Variants in GJA5 observed in about 807,000 individuals in gnomAD.
GJA5 encodes gap junction alpha-5 protein.
Under a neutral mutation model 7.9 loss-of-function variants are expected in GJA5, and 3 were observed. The observed-to-expected ratio is 0.38, with a 90% confidence interval of 0.17 to 0.99. GJA5 has a LOEUF of 0.99. Among genes scored for constraint, GJA5 ranks in the 50% least tolerant of loss-of-function variants. The probability of loss-of-function intolerance (pLI) is 0.38; values close to 1 mark genes in which losing one functional copy is unlikely to be tolerated. For synonymous variants in GJA5, 193 were observed against 181.0 expected (o/e 1.07, Z -0.53); for missense variants, 390 against 457.9 (o/e 0.85, Z 1.35).
chr1:147,760,309 A>G (rs1447332978), intron 1 of GJA5, among the ~76,000 whole-genome samples, 190 bp downstream of exon 1: 2 of 152,018 alleles, frequency 1.3e-5, no homozygotes, highest in African/African-American at 4.8e-5. Context: ...GCCTGTCCAC[A>G]TGAGTTCCTT....
At chr1:147,767,371 G>A (rs2148963841) in intron 1 of GJA5, among the ~76,000 whole-genome samples, 1 of 151,778 alleles carries the variant, frequency 6.6e-6, no homozygotes, top group South Asian at 2.1e-4. Flanking sequence ...ACAACAGCCT[G>A]AGGAAGTGGG....
chr1:147,757,922 G>A lies in GJA5; in HGVS notation c.*240C>T. On this transcript the variant is annotated 3_prime_UTR_variant, in exon 2 of 2. Transcript: ENST00000579774. Reference sequence around the variant, plus strand: ...CCCTGTTTCATGAGTAATCTGAAAGGCTTCGTATACTGGGTAGAGGGTGGG... The same window carrying A: ...CCCTGTTTCATGAGTAATCTGAAAGACTTCGTATACTGGGTAGAGGGTGGG... The A allele has an allele frequency of 1.8e-6, 1 of 558,184 alleles. No homozygotes were observed. The highest frequency in any genetic ancestry group is 3.2e-6 in the Non-Finnish European group (1 of 311,894). 34.6% of individuals were successfully genotyped at this position (558,184 alleles called of 1,614,324 possible).
Position 147,758,848 on chromosome 1 carries a change from C to T in GJA5, c.391G>A (p.Ala131Thr). The T allele has an allele frequency of 6.2e-7, 1 of 1,614,218 alleles. No individual in the cohort carries two copies. ...CCTTCCTCCCAGCAGGACAGTTCTG[C>T]CTTCTCTGCCACCGGGTACTCGTAA... ...GSYEYPVAEK[A>T]ELSCWEEGNG... Residue 131 changes from alanine (A) to threonine (T), a missense_variant, in exon 2 of 2, where the codon GCA becomes ACA. Around this residue, in one of 2 missense-constraint regions of GJA5, gnomAD observed 354 missense variants for 370.9 expected, o/e 0.95. Transcript: ENST00000579774.
chr1:147,765,001 A>G (rs888110340), upstream of GJA5, among the ~76,000 whole-genome samples: 1 of 151,968 alleles, frequency 6.6e-6, no homozygotes, highest in East Asian at 1.9e-4. Flanking sequence ...TTTCTTAATG[A>G]TTGAAGAAAA....
intron 1 of GJA5, among the ~76,000 whole-genome samples, chr1:147,771,322 A>C (rs1664393431): frequency 6.6e-6 from 1 of 152,110 alleles, no homozygotes; most frequent in South Asian, 2.1e-4. Context: ...GGAGAGATGG[A>C]GGCTAGGAAA....
Position 147,759,202 on chromosome 1 carries a change from C to T in GJA5, c.37G>A (p.Glu13Lys), listed in dbSNP as rs2148959514. 6.2e-7 allele frequency: 1 copy of T among 1,614,040 alleles called. No homozygotes were observed. Among genetic ancestry groups the T allele is most frequent in the East Asian group, 2.2e-5 (1 of 44,864 alleles). ...DWSFLGNFLE[E>K]VHKHSTVVGK... ...ACCACGGTCGAGTGCTTGTGTACTT[C>T]CTCCAGGAAATTTCCCAGGAAGCTC... Residue 13 changes from glutamate (E) to lysine (K), a missense_variant, in exon 2 of 2, where the codon GAA (glutamate) becomes AAA (lysine). Glu to Lys is a moderately conservative substitution (Grantham distance 56, BLOSUM62 1). Transcript: ENST00000579774.
intron 1 of GJA5, among the ~76,000 whole-genome samples, chr1:147,772,787 G>GGGA (rs1664459265): frequency 1.4e-4 from 1 of 7,236 alleles, no homozygotes; most frequent in Admixed American, 1.2e-3. Flanking sequence ...ATGCCTTAGG[G>GGGA]AGAAAAAAAA....
upstream of GJA5, among the ~76,000 whole-genome samples, chr1:147,763,969 C>T (rs1217151778): frequency 6.6e-6 from 1 of 152,074 alleles, no homozygotes. Flanking sequence ...TGCCACCACA[C>T]CTGGTTAGTT....
upstream of GJA5, among the ~76,000 whole-genome samples, chr1:147,762,813 G>A (rs1368446037): frequency 6.6e-6 from 1 of 152,192 alleles, no homozygotes; most frequent in Non-Finnish European, 1.5e-5. Context: ...AAAGAAATTT[G>A]TAGATTAGAT....
chr1:147,771,367 G>A (rs984212073), intron 1 of GJA5, among the ~76,000 whole-genome samples: 9 of 152,104 alleles, frequency 5.9e-5, no homozygotes, highest in Non-Finnish European at 1.2e-4. Context: ...AAGAGCCCTC[G>A]GTATGAGTGA....
At chr1:147,763,936 G>C (rs1206239332), upstream of GJA5, among the ~76,000 whole-genome samples, 1 of 152,066 alleles carries the variant, frequency 6.6e-6, no homozygotes, top group Admixed American at 6.5e-5. Flanking sequence ...TTAGCCTCTG[G>C]AGTAGCTGGG....
chr1:147,771,800 G>A (rs1420371163), intron 1 of GJA5, among the ~76,000 whole-genome samples: 8 of 152,202 alleles, frequency 5.3e-5, no homozygotes, highest in Admixed American at 2.6e-4. Context: ...CAGGTGCTGA[G>A]TGAGGAAAAG....
Position 147,756,959 on chromosome 1 carries a change from C to A in GJA5, c.*1203G>T, listed in dbSNP as rs1178869868. ...GGCCCTGCCAAGAGAGCTGGAGATT[C>A]CCCTACTATTTCCTTGCCCCTGCTA... On this transcript the variant is annotated 3_prime_UTR_variant, in exon 2 of 2. Coordinates refer to ENST00000579774, the MANE Select transcript of GJA5 (RefSeq NM_181703.4). 6.6e-6 allele frequency: 1 copy of A among 152,160 alleles called. No homozygotes were observed. The highest frequency in any genetic ancestry group is 1.5e-5 in the Non-Finnish European group (1 of 68,046). The allele number at this position is 152,160 out of a possible 1,614,324, so 9.4% of individuals were successfully genotyped here.
At position 147,756,556 on chromosome 1, in the gene GJA5, C is replaced by T. The variant is rs1369515499; in HGVS notation, c.*1606G>A. On this transcript the variant is annotated 3_prime_UTR_variant, in exon 2 of 2. Coordinates refer to ENST00000579774, the MANE Select transcript of GJA5 (RefSeq NM_181703.4). ...TTGAACCTCCTTCTGAGCCTTTACC[C>T]TCCTCTGTCCCAACCTCTTGTGGCT... 2 of 152,188 alleles carry T rather than the reference C, an allele frequency of 1.3e-5. No individual in the cohort carries two copies. The highest frequency in any genetic ancestry group is 2.4e-5 in the African/African-American group (1 of 41,440). The allele number at this position is 152,188 out of a possible 1,614,324, so 9.4% of individuals were successfully genotyped here.
At chr1:147,770,899 C>T (rs914748215) in intron 1 of GJA5, among the ~76,000 whole-genome samples, 1 of 152,166 alleles carries the variant, frequency 6.6e-6, no homozygotes, top group Non-Finnish European at 1.5e-5. Context: ...GCTTCCTTTC[C>T]AGGAACCCTG....
chr1:147,766,503 C>A (rs782015193), intron 1 of GJA5, among the ~76,000 whole-genome samples: 1 of 152,084 alleles, frequency 6.6e-6, no homozygotes, highest in African/African-American at 2.4e-5. Flanking sequence ...TGCCCAATGA[C>A]GATGGTGACC....
At chr1:147,759,506 A>G (rs587625419) in intron 1 of GJA5, among the ~76,000 whole-genome samples, 1 of 152,328 alleles carries the variant, frequency 6.6e-6, no homozygotes, top group East Asian at 1.9e-4. Context: ...TGGCTCCCAC[A>G]CTTTAACGGA....
At chr1:147,771,870 A>G (rs1301670942) in intron 1 of GJA5, among the ~76,000 whole-genome samples, 1 of 152,212 alleles carries the variant, frequency 6.6e-6, no homozygotes, top group Non-Finnish European at 1.5e-5. Flanking sequence ...GCAACTTGGC[A>G]GGAAGGTGGA....
At position 147,757,023 on chromosome 1, in the gene GJA5, T is replaced by C. The variant is rs2148957913; in HGVS notation, c.*1139A>G. 6.6e-6 allele frequency: 1 copy of C among 152,326 alleles called. No individual in the cohort carries two copies. Among genetic ancestry groups the C allele is most frequent in the South Asian group, 2.1e-4 (1 of 4,830 alleles). The allele number at this position is 152,326 out of a possible 1,614,324, so 9.4% of individuals were successfully genotyped here. A position where few individuals can be genotyped will look rare whatever the true frequency, so the allele number is the denominator to read the frequency against. ...AGAGAGATCTGGGGGCCTCCATAGCTGTCATCACACCTCCTCTTGGCACTA... is the reference window on the plus strand; with the variant it reads ...AGAGAGATCTGGGGGCCTCCATAGCCGTCATCACACCTCCTCTTGGCACTA... On this transcript the variant is annotated 3_prime_UTR_variant, in exon 2 of 2. Coordinates refer to ENST00000579774, the MANE Select transcript of GJA5 (RefSeq NM_181703.4).
Sources: gnomAD v4.1 joint callset for allele counts (sites outside exome capture counted in the v4.1 genomes callset) on GRCh38, gnomAD v4.1.1 for gene constraint, gnomAD v4.1.1 regional missense constraint, MANE v1.5 for transcripts, NCBI Gene and HGNC (gene_info 2026-07-23, HGNC 2026-07-21) for gene names.